The following HIP1 variants were observed in gnomAD, a reference collection of about 807,000 sequenced individuals.
HIP1 encodes the protein huntingtin-interacting protein 1.
In HIP1, 65 loss-of-function variants were observed where a neutral mutation model predicts 147.6. The observed-to-expected ratio is 0.44, with a 90% CI of 0.36 to 0.54. The LOEUF is 0.54. Among genes scored for constraint, HIP1 ranks in the 20% least tolerant of loss-of-function variants. The pLI, the probability that HIP1 is intolerant of heterozygous loss-of-function variation, is 0.00. For synonymous variants in HIP1, 479 were observed against 504.0 expected (o/e 0.95, Z 0.67); for missense variants, 1,061 against 1,299.6 (o/e 0.82, Z 2.82).
intron 1 of HIP1, among the ~76,000 whole-genome samples, chr7:75,641,716 C>T (rs1282217845): frequency 6.6e-6 from 1 of 152,006 alleles, no homozygotes; most frequent in Admixed American, 6.6e-5. Context: ...AGGCTGATCT[C>T]GAACTCCCGA....
In HIP1 at chr7:75,568,424, C is replaced by A. The variant is rs1795492502; in HGVS notation, c.746-168G>T. On this transcript the variant is annotated intron_variant, in intron 8 of 30. Transcript: ENST00000336926. This position sits in a 1 kb window ranked among gnomAD's most constrained non-coding sequence, Gnocchi z 4.1. ...CCCGAGGTCTGGTAACCAAGGGAGC[C>A]CAGCAGGAACCAGCAGGAGTGTGGA... is the stretch of plus-strand genomic sequence containing the variant. 6.6e-6 allele frequency among the ~76,000 whole-genome samples: 1 copy of A among 152,164 alleles called. No homozygotes were observed. The highest frequency in any genetic ancestry group is 1.5e-5 in the Non-Finnish European group (1 of 68,038).
At chr7:75,616,412 G>A (rs1797663845) in intron 1 of HIP1, among the ~76,000 whole-genome samples, 2 of 152,038 alleles carry the variant, frequency 1.3e-5, no homozygotes, top group African/African-American at 4.8e-5. Flanking sequence ...TGGGCCTACA[G>A]GTGCGCACCA....
At chr7:75,669,498 G>A (rs566425614) in intron 1 of HIP1, among the ~76,000 whole-genome samples, 1 of 152,018 alleles carries the variant, frequency 6.6e-6, no homozygotes, top group African/African-American at 2.4e-5. Flanking sequence ...GGAGGCAGAG[G>A]TTGCAGTCAG....
At chr7:75,614,550 T>G (rs1797567672) in intron 1 of HIP1, among the ~76,000 whole-genome samples, 1 of 151,876 alleles carries the variant, frequency 6.6e-6, no homozygotes. Flanking sequence ...TGGTGGCCAC[T>G]GGGGCCTGGT....
At position 75,688,373 on chromosome 7, in the gene HIP1, G is replaced by A. The variant is rs528807809; in HGVS notation, c.120+50428C>T. 9.2e-5 allele frequency among the ~76,000 whole-genome samples: 14 copies of A among 152,172 alleles called. No individual in the cohort carries two copies. In the South Asian group the frequency reaches 1.2e-3, roughly 14 times the overall value. Reference sequence around the variant, plus strand: ...CAATGAGAGCCAAGGAAGAACGGCCGGGGGCGCGCCGGGTCCGGGCTCCCA... The same window carrying A: ...CAATGAGAGCCAAGGAAGAACGGCCAGGGGCGCGCCGGGTCCGGGCTCCCA... On this transcript the variant is annotated intron_variant, in intron 1 of 30. Coordinates refer to ENST00000336926, the MANE Select transcript of HIP1 (RefSeq NM_005338.7).
chr7:75,581,212 G>A (rs1336338351), intron 7 of HIP1, 25 bp downstream of exon 7: 2 of 1,582,118 alleles, frequency 1.3e-6, no homozygotes, highest in Non-Finnish European at 1.7e-6. Context: ...GAGAGCCTGG[G>A]TTAGACGGGA....
intron 7 of HIP1, 44 bp downstream of exon 7, chr7:75,581,193 A>C (rs1233278987): frequency 6.3e-6 from 9 of 1,433,850 alleles, no homozygotes; most frequent in Non-Finnish European, 7.8e-6. Context: ...GGAATTAGGT[A>C]GTTCCCATGA....
At chr7:75,639,164 G>A (rs1452400184) in intron 1 of HIP1, 4 of 983,934 alleles carry the variant, frequency 4.1e-6, no homozygotes, top group Non-Finnish European at 4.8e-6. Flanking sequence ...ATGCTGCGGG[G>A]AGGGCGGCCG....
At chr7:75,662,953 C>T (rs186997250) in intron 1 of HIP1, among the ~76,000 whole-genome samples, 1,924 of 152,266 alleles carry the variant, frequency 0.013, 21 homozygotes, top group Non-Finnish European at 0.018. Flanking sequence ...GCAGCGTCAC[C>T]ACACCGGCGA....
chr7:75,718,672 C>T (rs1801395983), intron 1 of HIP1, among the ~76,000 whole-genome samples: 1 of 152,176 alleles, frequency 6.6e-6, no homozygotes, highest in South Asian at 2.1e-4. Flanking sequence ...CTGTCTGCAT[C>T]CCTCATCATT....
At chr7:75,677,855 C>T (rs1472625293) in intron 1 of HIP1, among the ~76,000 whole-genome samples, 4 of 151,972 alleles carry the variant, frequency 2.6e-5, no homozygotes, top group African/African-American at 7.2e-5. Context: ...AACAAAAAAC[C>T]TCTTTCCTAT....
intron 1 of HIP1, among the ~76,000 whole-genome samples, chr7:75,716,588 C>A (rs367785833): frequency 6.7e-6 from 1 of 149,170 alleles, no homozygotes; most frequent in Non-Finnish European, 1.5e-5. Flanking sequence ...GGTACAATCT[C>A]GGCTCACTGC....
intron 5 of HIP1, among the ~76,000 whole-genome samples, chr7:75,585,973 C>T (rs1432366893): frequency 2.0e-5 from 3 of 149,178 alleles, no homozygotes; most frequent in East Asian, 4.1e-4. Context: ...CACTACCACG[C>T]CCGGCTAATT....
At chr7:75,598,284 C>G (rs1029829798) in intron 2 of HIP1, among the ~76,000 whole-genome samples, 4 of 152,008 alleles carry the variant, frequency 2.6e-5, no homozygotes, top group African/African-American at 9.6e-5. Context: ...GTCATCCCAG[C>G]TACTTGGGAA....
intron 1 of HIP1, among the ~76,000 whole-genome samples, chr7:75,649,213 G>A (rs1798899294): frequency 6.6e-6 from 1 of 152,160 alleles, no homozygotes; most frequent in South Asian, 2.1e-4. Context: ...TAGTAGAGAC[G>A]GGGTTTCTCC....
At chr7:75,569,372 G>A (rs587678389) in intron 8 of HIP1, among the ~76,000 whole-genome samples, 11 of 152,276 alleles carry the variant, frequency 7.2e-5, no homozygotes, top group African/African-American at 2.6e-4. Context: ...GGGAGGCTGA[G>A]TGGGGAGCAT....
In HIP1 at chr7:75,551,189, ATTTT is replaced by A. The variant is rs55679922; in HGVS notation, c.2296-2192_2296-2189del. Among the ~76,000 whole-genome samples the A allele has an allele frequency of 3.8e-3, 292 of 77,404 alleles. 8 individuals are homozygous for A. Among genetic ancestry groups the A allele is most frequent in the African/African-American group, 0.019 (277 of 14,708 alleles). 50.8% of individuals were successfully genotyped at this position (77,404 alleles called of 152,430 possible). ...TAGGGAGGCAAAGATGTAGATGATA[ATTTT>A]TTTTTTTTTTTTTTTTTTTTTTGAG... On this transcript the variant is annotated intron_variant, in intron 22 of 30. Transcript: ENST00000336926.
intron 1 of HIP1, among the ~76,000 whole-genome samples, chr7:75,738,322 G>A (rs554371793): frequency 1.4e-5 from 2 of 146,988 alleles, no homozygotes; most frequent in South Asian, 2.4e-4. Flanking sequence ...AGGGGTGGGG[G>A]GTGGGAAGGG....
At chr7:75,666,882 T>A (rs940861184) in intron 1 of HIP1, among the ~76,000 whole-genome samples, 13 of 152,174 alleles carry the variant, frequency 8.5e-5, no homozygotes, top group African/African-American at 3.1e-4. Flanking sequence ...ACCTTCACCG[T>A]TATGCGACGC....
Sources: gnomAD v4.1 joint callset for allele counts (sites outside exome capture counted in the v4.1 genomes callset) on GRCh38, gnomAD v4.1.1 for gene constraint, Gnocchi (gnomAD v3.1) non-coding constraint, MANE v1.5 for transcripts, NCBI Gene and HGNC (gene_info 2026-07-23, HGNC 2026-07-21) for gene names.